Variants in RSRC1 observed in about 807,000 individuals in gnomAD.
The protein encoded by RSRC1 is serine/Arginine-related protein 53.
RSRC1 carries 39 observed loss-of-function variants against 49.1 expected under a neutral mutation model. The observed-to-expected ratio is 0.79, with a 90% CI of 0.61 to 1.04. RSRC1 has a LOEUF of 1.04. Among genes scored for constraint, RSRC1 ranks in the 50% least tolerant of loss-of-function variants. The probability of loss-of-function intolerance (pLI) is 0.00; values close to 1 mark genes in which losing one functional copy is unlikely to be tolerated. For synonymous variants in RSRC1, 143 were observed against 130.8 expected, an observed-to-expected ratio of 1.09 and a Z score of -0.63; for missense variants, 388 against 402.4, an observed-to-expected ratio of 0.96 and a Z score of 0.31.
chr3:158,491,390 A>T (rs1333109333), intron 7 of RSRC1, among the ~76,000 whole-genome samples: 1 of 152,186 alleles, frequency 6.6e-6, no homozygotes, highest in Non-Finnish European at 1.5e-5. Flanking sequence ...CAGCCAGATC[A>T]CTCAATCTAT....
At chr3:158,299,690 CTTTG>C (rs763457026) in intron 5 of RSRC1, among the ~76,000 whole-genome samples, 39 of 152,144 alleles carry the variant, frequency 2.6e-4, no homozygotes, top group Admixed American at 5.2e-4. Context: ...TTTATATTTA[CTTTG>C]TTTGTGTTCT....
chr3:158,392,124 G>C (rs1733339736), intron 6 of RSRC1, among the ~76,000 whole-genome samples: 1 of 151,974 alleles, frequency 6.6e-6, no homozygotes, highest in Non-Finnish European at 1.5e-5. Flanking sequence ...TCATCCTCTA[G>C]AATAAAAACT....
intron 1 of RSRC1, among the ~76,000 whole-genome samples, chr3:158,114,556 TGG>T (rs1175795537): frequency 6.6e-6 from 1 of 152,192 alleles, no homozygotes; most frequent in African/African-American, 2.4e-5. Context: ...GGTAGTTTGA[TGG>T]GAATAGCATT....
At chr3:158,247,379 C>T (rs1419735552) in intron 4 of RSRC1, among the ~76,000 whole-genome samples, 3 of 152,192 alleles carry the variant, frequency 2.0e-5, no homozygotes, top group Non-Finnish European at 4.4e-5. Flanking sequence ...TTTCAGGCAT[C>T]TTAGCCTCAG....
At chr3:158,462,520 C>T (rs1448716076) in intron 7 of RSRC1, among the ~76,000 whole-genome samples, 2 of 151,886 alleles carry the variant, frequency 1.3e-5, no homozygotes, top group Admixed American at 6.6e-5. Flanking sequence ...TAATTGGAAT[C>T]TTAATCAGTT....
Position 158,267,720 on chromosome 3 carries a change from TC to T in RSRC1, c.495-30317del, listed in dbSNP as rs1471721807. Among the ~76,000 whole-genome samples, 7 of 152,172 alleles carry T rather than the reference TC, an allele frequency of 4.6e-5. No individual in the cohort carries two copies. In the East Asian group the frequency reaches 1.3e-3, roughly 29 times the overall value. ...TCCATATCTCTGATGAGATTTCCCA[TC>T]CATTCATTGACACTATTTTTCCTTC... On this transcript the variant is annotated intron_variant, in intron 4 of 9. Transcript: ENST00000611884.
intron 3 of RSRC1, among the ~76,000 whole-genome samples, chr3:158,195,325 G>A (rs1272408018): frequency 2.0e-5 from 3 of 146,586 alleles, no homozygotes; most frequent in Non-Finnish European, 1.5e-5. Flanking sequence ...CATATCCTTT[G>A]CCCACTTGTT....
chr3:158,292,791 T>C (rs1478647049), intron 4 of RSRC1, among the ~76,000 whole-genome samples: 1 of 152,192 alleles, frequency 6.6e-6, no homozygotes, highest in Non-Finnish European at 1.5e-5. Context: ...TTATTTTTTA[T>C]CTTCATGTAC....
At chr3:158,436,733 G>A (rs1736062090) in intron 6 of RSRC1, among the ~76,000 whole-genome samples, 1 of 151,548 alleles carries the variant, frequency 6.6e-6, no homozygotes, top group Non-Finnish European at 1.5e-5. Context: ...ATCTATAAAG[G>A]TATATAGATA....
chr3:158,289,797 A>G (rs1175179993), intron 4 of RSRC1, among the ~76,000 whole-genome samples: 6 of 152,162 alleles, frequency 3.9e-5, no homozygotes, highest in African/African-American at 1.2e-4. Flanking sequence ...AAAAATAGAA[A>G]TTATTTTTGC....
chr3:158,467,736 A>G (rs1280115621), intron 7 of RSRC1, among the ~76,000 whole-genome samples: 1 of 152,216 alleles, frequency 6.6e-6, no homozygotes, highest in Non-Finnish European at 1.5e-5. Flanking sequence ...AGAGATTTAC[A>G]TTAAAGCAAG....
intron 6 of RSRC1, among the ~76,000 whole-genome samples, chr3:158,435,662 A>G (rs1265348386): frequency 6.6e-6 from 1 of 151,690 alleles, no homozygotes; most frequent in Non-Finnish European, 1.5e-5. Flanking sequence ...ATATATTTCT[A>G]ATTTTTAATA....
At chr3:158,436,725 C>T (rs929088470) in intron 6 of RSRC1, among the ~76,000 whole-genome samples, 8 of 151,806 alleles carry the variant, frequency 5.3e-5, no homozygotes, top group Non-Finnish European at 1.0e-4. Context: ...AAGCTAATAT[C>T]TATAAAGGTA....
chr3:158,245,920 C>T (rs1455993753), intron 4 of RSRC1, among the ~76,000 whole-genome samples: 2 of 152,156 alleles, frequency 1.3e-5, no homozygotes, highest in Non-Finnish European at 2.9e-5. Flanking sequence ...AATTTTCCTC[C>T]ATGCCTTTAT....
At chr3:158,498,514 T>G (rs905668772) in intron 7 of RSRC1, among the ~76,000 whole-genome samples, 3 of 103,180 alleles carry the variant, frequency 2.9e-5, no homozygotes, top group African/African-American at 1.1e-4. Context: ...TCCCACCCTG[T>G]GGGTTGTCTG....
At chr3:158,157,246 G>A (rs1220086919) in intron 3 of RSRC1, among the ~76,000 whole-genome samples, 2 of 152,082 alleles carry the variant, frequency 1.3e-5, no homozygotes, top group Non-Finnish European at 2.9e-5. Flanking sequence ...TACATACTAA[G>A]GGCCAGACAT....
chr3:158,261,926 A>G (rs1724917139), intron 4 of RSRC1, among the ~76,000 whole-genome samples: 1 of 152,168 alleles, frequency 6.6e-6, no homozygotes, highest in Admixed American at 6.5e-5. Context: ...GGTAATTGTA[A>G]TGCACTTGAA....
rs529121961 is a variant in RSRC1 at position 158,461,129 on chromosome 3, A to C, written c.652+126A>C. 5.7e-6 allele frequency: 3 copies of C among 525,372 alleles called. No homozygotes were observed. The East Asian group carries it at 9.4e-5, about 16-fold the overall frequency. The allele number at this position is 525,372 out of a possible 1,614,324, so 32.5% of individuals were successfully genotyped here. Reference sequence around the variant, plus strand: ...CTGTTTCATGAACCAAAACTATGACACAATAGCACACTATATTCATTGTCT... The same window carrying C: ...CTGTTTCATGAACCAAAACTATGACCCAATAGCACACTATATTCATTGTCT... On this transcript the variant is annotated intron_variant, in intron 7 of 9. Coordinates refer to ENST00000611884, the MANE Select transcript of RSRC1 (RefSeq NM_001271838.2).
chr3:158,429,257 C>T (rs1467307833), intron 6 of RSRC1, among the ~76,000 whole-genome samples: 1 of 151,420 alleles, frequency 6.6e-6, no homozygotes, highest in Admixed American at 6.6e-5. Context: ...CACATTAGGG[C>T]ATTTACACTA....
Sources: gnomAD v4.1 joint callset for allele counts (sites outside exome capture counted in the v4.1 genomes callset) on GRCh38, gnomAD v4.1.1 for gene constraint, MANE v1.5 for transcripts, NCBI Gene and HGNC (gene_info 2026-07-23, HGNC 2026-07-21) for gene names.